CARS1: variants seen among roughly 807,000 people sequenced by gnomAD.
CARS1 encodes cysteinyl-tRNA synthetase 1.
A neutral mutation model predicts 106.2 loss-of-function variants in CARS1; 48 were observed. The ratio of observed to expected loss-of-function variants is 0.45; its 90% CI spans 0.36 to 0.57. The LOEUF (loss-of-function observed/expected upper bound fraction) is 0.57. Among genes scored for constraint, CARS1 ranks in the 20% least tolerant of loss-of-function variants. The pLI is 0.00. For synonymous variants in CARS1, 409 were observed against 403.4 expected, an observed-to-expected ratio of 1.01 and a Z score of -0.17; for missense variants, 968 against 1,057.2, an observed-to-expected ratio of 0.92 and a Z score of 1.17.
Position 3,029,753 on chromosome 11 carries a change from C to T in CARS1, c.802-310G>A, listed in dbSNP as rs1440890503. 2.5e-6 allele frequency: 1 copy of T among 399,360 alleles called. No homozygotes were observed. The allele number at this position is 399,360 out of a possible 1,614,324, so 24.7% of individuals were successfully genotyped here. A position where few individuals can be genotyped will look rare whatever the true frequency, so the allele number is the denominator to read the frequency against. On this transcript the variant is annotated intron_variant, in intron 7 of 22. Coordinates refer to ENST00000380525, the MANE Select transcript of CARS1 (RefSeq NM_001014437.3). The surrounding 1 kb of genome is among the most constrained non-coding windows in gnomAD (Gnocchi z 5.9). ...GTGAGCATGTGCAGCCTACCTGGGC[C>T]GTGCAGGGCAGGGTTATGGGCAGAG...
In CARS1 at chr11:3,029,960, T is replaced by C. The variant is rs1219027611; in HGVS notation, c.802-517A>G. ...GATGCCATCCCCACTTGACACACCA[T>C]GGAATGGGAGTAAAAACCACCAATC... On this transcript the variant is annotated intron_variant, in intron 7 of 22. Transcript: ENST00000380525. This position sits in a 1 kb window ranked among gnomAD's most constrained non-coding sequence, Gnocchi z 5.9. The C allele has an allele frequency of 6.5e-6, 1 of 154,094 alleles. No homozygotes were observed. The highest frequency in any genetic ancestry group is 6.5e-5 in the Admixed American group (1 of 15,434). The allele number at this position is 154,094 out of a possible 1,614,324, so 9.5% of individuals were successfully genotyped here.
rs1178937082 is a variant in CARS1, at chr11:3,046,585, C to G, written c.274+1168G>C. ...GGAGATGTGACATCCCCACCTCCAG[C>G]CTGGTTAAAACAGTGATCTAGCAGA... On this transcript the variant is annotated intron_variant, in intron 2 of 22. Transcript: ENST00000380525. This position sits in a 1 kb window ranked among gnomAD's most constrained non-coding sequence, Gnocchi z 5.8. Among the ~76,000 whole-genome samples, 1 of 152,216 alleles carries G rather than the reference C, an allele frequency of 6.6e-6. No homozygotes were observed. The highest frequency in any genetic ancestry group is 2.1e-4 in the South Asian group (1 of 4,834).
At chr11:3,010,065 C>T (rs1487111490) in intron 18 of CARS1, among the ~76,000 whole-genome samples, 2 of 152,196 alleles carry the variant, frequency 1.3e-5, no homozygotes, top group African/African-American at 2.4e-5. Context: ...CCACATCACC[C>T]ATCTACCTGC....
rs568572764 is a variant in CARS1, at chr11:3,021,473, A to T, written c.1154-1141T>A. On this transcript the variant is annotated intron_variant, in intron 10 of 22. Coordinates refer to ENST00000380525, the MANE Select transcript of CARS1 (RefSeq NM_001014437.3). The surrounding 1 kb of genome is among the most constrained non-coding windows in gnomAD (Gnocchi z 5.3). ...TGCAGTGAGATCTTTCCAGGTGACA[A>T]ATCCACTTTTCAGGAGCCTAATCAG... is the stretch of plus-strand genomic sequence containing the variant. Among the ~76,000 whole-genome samples the T allele has an allele frequency of 1.3e-5, 2 of 152,322 alleles. No individual in the cohort carries two copies. Among genetic ancestry groups the T allele is most frequent in the East Asian group, 3.9e-4 (2 of 5,190 alleles).
rs1468207097 is a variant in CARS1, at chr11:3,005,354, C to T, written c.2217+12G>A. 1.9e-6 allele frequency: 3 copies of T among 1,597,112 alleles called. No individual in the cohort carries two copies. The highest frequency in any genetic ancestry group is 2.6e-6 in the Non-Finnish European group (3 of 1,165,398). The stretch of plus-strand genomic sequence containing the variant: ...ACAAATATCACGCTTAAGTCATTTT[C>T]ACTTTACTCACCCGTCTCTTTTCTT... On this transcript the variant is annotated intron_variant, in intron 20 of 22. Transcript: ENST00000380525.
rs756615736 is a variant in CARS1 at position 3,029,431 on chromosome 11, C to T, written c.814G>A (p.Glu272Lys). The change falls in exon 8 of 23, where the codon GAA becomes AAA. Residue 272 changes from glutamate (E) to lysine (K), a missense_variant. Transcript: ENST00000380525. The surrounding 1 kb of genome is among the most constrained non-coding windows in gnomAD (Gnocchi z 5.9). ...CAGTCAGAGAGCAAATCCTTGGCTTCTTCCAGCAACACCTGAAGAGAAAGA... is the reference window on the plus strand; with the variant it reads ...CAGTCAGAGAGCAAATCCTTGGCTTTTTCCAGCAACACCTGAAGAGAAAGA... ...VNSCVEVLLE[E>K]AKDLLSDWLD... 1.2e-6 allele frequency: 2 copies of T among 1,613,940 alleles called. No homozygotes were observed. Among genetic ancestry groups the T allele is most frequent in the South Asian group, 1.1e-5 (1 of 91,084 alleles).
intron 17 of CARS1, among the ~76,000 whole-genome samples, chr11:3,013,576 C>T (rs765276107): frequency 2.6e-5 from 4 of 152,026 alleles, no homozygotes; most frequent in Non-Finnish European, 4.4e-5. Context: ...GCTGGCTGGG[C>T]GCGGTGACTC....
intron 7 of CARS1, among the ~76,000 whole-genome samples, chr11:3,035,948 G>A (rs1853558008): frequency 6.6e-6 from 1 of 152,248 alleles, no homozygotes; most frequent in Non-Finnish European, 1.5e-5. Flanking sequence ...CTCTGTGGCA[G>A]CAGCCCCCAG....
In CARS1 at chr11:3,041,058, C is replaced by G. The variant is rs776212894; in HGVS notation, c.367-74G>C. ...TGCACAGGATTACCAAAAACAGCAA[C>G]AAACATCACAGTGTGGTTTGTGTTT... On this transcript the variant is annotated intron_variant, in intron 3 of 22. Transcript: ENST00000380525. This position sits in a 1 kb window ranked among gnomAD's most constrained non-coding sequence, Gnocchi z 4.9. 5.6e-6 allele frequency: 9 copies of G among 1,610,678 alleles called. No homozygotes were observed. Among genetic ancestry groups the G allele is most frequent in the Admixed American group, 1.7e-5 (1 of 59,680 alleles).
rs1306153535 is a variant in CARS1 at position 3,045,175 on chromosome 11, G to A, written c.274+2578C>T. ...TGATATCCAGTGGACCTCCGTGCTG[G>A]AGGCTGGTGATCCAGGGAAGGGATC... is the stretch of plus-strand genomic sequence containing the variant. On this transcript the variant is annotated intron_variant, in intron 2 of 22. Coordinates refer to ENST00000380525, the MANE Select transcript of CARS1 (RefSeq NM_001014437.3). This position sits in a 1 kb window ranked among gnomAD's most constrained non-coding sequence, Gnocchi z 5.6. 6.6e-6 allele frequency among the ~76,000 whole-genome samples: 1 copy of A among 152,180 alleles called. No individual in the cohort carries two copies. Among genetic ancestry groups the A allele is most frequent in the African/African-American group, 2.4e-5 (1 of 41,456 alleles).
rs1312122767 is a variant in CARS1 at position 3,039,446 on chromosome 11, A to G, written c.553-154T>C. ...GGACGTGCACACCATCATCAAATAG[A>G]AACACCACCCTCCATCTCCCACCTG... On this transcript the variant is annotated intron_variant, in intron 5 of 22. Transcript: ENST00000380525. This position sits in a 1 kb window ranked among gnomAD's most constrained non-coding sequence, Gnocchi z 5.6. Among the ~76,000 whole-genome samples the G allele has an allele frequency of 1.3e-5, 2 of 152,116 alleles. No homozygotes were observed. Among genetic ancestry groups the G allele is most frequent in the Non-Finnish European group, 2.9e-5 (2 of 68,036 alleles).
intron 17 of CARS1, among the ~76,000 whole-genome samples, chr11:3,013,302 G>A (rs190982460): frequency 1.6e-3 from 244 of 152,172 alleles, no homozygotes; most frequent in South Asian, 0.014. Flanking sequence ...ACAGGCATGC[G>A]CCACTACGCC....
chr11:3,005,062 C>T (rs1261311715), intron 20 of CARS1, among the ~76,000 whole-genome samples: 4 of 138,812 alleles, frequency 2.9e-5, no homozygotes, highest in Admixed American at 8.0e-5. Context: ...GAGCCAAGAT[C>T]GTGCCACTGC....
chr11:3,006,970 A>T lies in CARS1; in HGVS notation c.2069-11T>A. 6.2e-7 allele frequency: 1 copy of T among 1,611,292 alleles called. No individual in the cohort carries two copies. Among genetic ancestry groups the T allele is most frequent in the Non-Finnish European group, 8.5e-7 (1 of 1,177,768 alleles). ...GCAGAATCTCAGGGACTGTAGGAGA[A>T]GCAGAGCAGTTCCCTCAGACATGGA... On this transcript the variant is annotated splice_polypyrimidine_tract_variant and intron_variant, in intron 18 of 22. Transcript: ENST00000380525.
rs562950227 is a variant in CARS1 at position 3,017,649 on chromosome 11, G to T, written c.1727+208C>A. Reference sequence around the variant, plus strand: ...CAAGGGCGAAACTCCGTCTCAAAAAGAAAAAACAAAAAAGAAATTCTCCAT... The same window carrying T: ...CAAGGGCGAAACTCCGTCTCAAAAATAAAAAACAAAAAAGAAATTCTCCAT... On this transcript the variant is annotated intron_variant, in intron 15 of 22. Transcript: ENST00000380525. This position sits in a 1 kb window ranked among gnomAD's most constrained non-coding sequence, Gnocchi z 4.9. The T allele has an allele frequency of 3.5e-6, 2 of 571,030 alleles. No homozygotes were observed. Among genetic ancestry groups the T allele is most frequent in the Non-Finnish European group, 6.2e-6 (2 of 324,472 alleles). The allele number at this position is 571,030 out of a possible 1,614,324, so 35.4% of individuals were successfully genotyped here.
At position 3,037,842 on chromosome 11, in the gene CARS1, C is replaced by CCAGGAAAT; in HGVS notation, c.801+200_801+207dup. On this transcript the variant is annotated intron_variant, in intron 7 of 22. Coordinates refer to ENST00000380525, the MANE Select transcript of CARS1 (RefSeq NM_001014437.3). The surrounding 1 kb of genome is among the most constrained non-coding windows in gnomAD (Gnocchi z 5.9). ...CCTTCCAGTGGCACAGGCTCTGCAC[C>CCAGGAAAT]CAGGAAATGGGGCAAAGGGGTGTGG... Among the ~76,000 whole-genome samples, 1 of 152,196 alleles carries CCAGGAAAT rather than the reference C, an allele frequency of 6.6e-6. No individual in the cohort carries two copies. The highest frequency in any genetic ancestry group is 1.5e-5 in the Non-Finnish European group (1 of 68,000).
chr11:3,036,953 G>GT (rs142205504), intron 7 of CARS1, among the ~76,000 whole-genome samples: 2,349 of 151,298 alleles, frequency 0.016, 65 homozygotes, highest in African/African-American at 0.054. Context: ...CAAAAAAAAA[G>GT]TTTTTAAAAA....
chr11:3,056,275 C>T (rs1209916923), intron 1 of CARS1, among the ~76,000 whole-genome samples: 1 of 152,204 alleles, frequency 6.6e-6, no homozygotes, highest in Non-Finnish European at 1.5e-5. Context: ...AGGTGTCTTA[C>T]AAGAACTTGC....
At chr11:3,009,063 A>G (rs1850191727) in intron 18 of CARS1, 1 of 152,262 alleles carries the variant, frequency 6.6e-6, no homozygotes, top group South Asian at 2.1e-4. Context: ...CTGGGTCTGG[A>G]TTCTGAGGAG....
Sources: allele counts gnomAD v4.1 joint callset (sites outside exome capture counted in the v4.1 genomes callset), GRCh38; gene constraint gnomAD v4.1.1; non-coding constraint Gnocchi (gnomAD v3.1); transcripts MANE v1.5; gene names NCBI Gene and HGNC (gene_info 2026-07-23, HGNC 2026-07-21).